CLASP1: variants seen among roughly 807,000 people sequenced by gnomAD.
CLASP1 encodes the protein cytoplasmic linker associated protein 1, also known as CLIP-associating protein 1.
Under a neutral mutation model 192.3 loss-of-function variants are expected in CLASP1, and 38 were observed. That is an observed-to-expected ratio of 0.20 (90% CI 0.15 to 0.26). The LOEUF (loss-of-function observed/expected upper bound fraction) is 0.26, where lower values mean the gene tolerates loss of function less well. Ranked by LOEUF, CLASP1 falls within the 10% of genes least tolerant of loss-of-function variation. The pLI, the probability that CLASP1 is intolerant of heterozygous loss-of-function variation, is 1.00. For synonymous variants in CLASP1, 691 were observed against 712.8 expected (o/e 0.97, Z 0.49); for missense variants, 1,433 against 1,932.5 (o/e 0.74, Z 4.85).
At chr2:121,404,456 T>A in intron 25 of CLASP1, 22 bp from the exon 27 acceptor site, 1 of 1,588,386 alleles carries the variant, frequency 6.3e-7, no homozygotes, top group Non-Finnish European at 8.6e-7. Flanking sequence ...AAAACAGAAA[T>A]CAATGAATTT....
chr2:121,577,107 G>T (rs2060597129), intron 2 of CLASP1, among the ~76,000 whole-genome samples: 1 of 152,130 alleles, frequency 6.6e-6, no homozygotes, highest in Non-Finnish European at 1.5e-5. Flanking sequence ...CAGGGGACTG[G>T]GGGGCAGCAG....
rs574789749 is a variant in CLASP1, at chr2:121,629,293, G to A, written c.-286+20079C>T. 7.2e-5 allele frequency among the ~76,000 whole-genome samples: 11 copies of A among 152,086 alleles called. No individual in the cohort carries two copies. The East Asian group carries it at 2.1e-3, about 29-fold the overall frequency. On this transcript the variant is annotated intron_variant, in intron 1 of 39. Transcript: ENST00000263710. ...CAGTCCCAGCTACTTGGGAGGCTGA[G>A]GTGGGAGAATGGCATGAATCCGGGA...
chr2:121,606,076 G>C lies in CLASP1; in HGVS notation c.-181C>G. On this transcript the variant is annotated 5_prime_UTR_variant, in exon 2 of 40. The change creates a new upstream start codon in the 5' untranslated region. Coordinates refer to ENST00000263710, the Ensembl canonical transcript of CLASP1. ...TGTGTGTCTGAAGAGCAGCTGGTAG[G>C]ATATTAAAAGTCCAATTTAAATAAC... 1 of 587,864 alleles carries C rather than the reference G, an allele frequency of 1.7e-6. No homozygotes were observed. Among genetic ancestry groups the C allele is most frequent in the Non-Finnish European group, 3.0e-6 (1 of 331,682 alleles). The allele number at this position is 587,864 out of a possible 1,614,324, so 36.4% of individuals were successfully genotyped here.
intron 2 of CLASP1, among the ~76,000 whole-genome samples, chr2:121,594,999 A>T (rs2062959201): frequency 6.6e-6 from 1 of 152,218 alleles, no homozygotes; most frequent in African/African-American, 2.4e-5. Context: ...AACAGGACCA[A>T]AGAACTATTT....
chr2:121,467,154 T>C (rs1559317838), intron 9 of CLASP1, among the ~76,000 whole-genome samples: 2 of 152,204 alleles, frequency 1.3e-5, no homozygotes, highest in African/African-American at 4.8e-5. Context: ...CATGATCTTG[T>C]TCCTTTTTAT....
intron 39 of CLASP1, among the ~76,000 whole-genome samples, chr2:121,342,976 T>C (rs1255678030): frequency 6.6e-6 from 1 of 152,146 alleles, no homozygotes; most frequent in Non-Finnish European, 1.5e-5. Context: ...TTGCCCAGGC[T>C]GGTTTGGAGC....
rs114476706 is a variant in CLASP1, at chr2:121,371,404, A to T, written c.3643-3573T>A. On this transcript the variant is annotated intron_variant, in intron 34 of 39. Transcript: ENST00000263710. ...ACACCACCACATCTAGATAAATTAA[A>T]TTTTTTTTTTTTTTGTAGAGACAGG... Among the ~76,000 whole-genome samples, 956 of 144,234 alleles carry T rather than the reference A, an allele frequency of 6.6e-3. 12 individuals are homozygous for T. The highest frequency in any genetic ancestry group is 0.023 in the African/African-American group (907 of 39,576). 94.6% of individuals were successfully genotyped at this position (144,234 alleles called of 152,430 possible). A position where few individuals can be genotyped will look rare whatever the true frequency, so the allele number is the denominator to read the frequency against.
chr2:121,638,706 T>G (rs984446047), intron 1 of CLASP1, among the ~76,000 whole-genome samples: 8 of 151,878 alleles, frequency 5.3e-5, no homozygotes, highest in African/African-American at 1.4e-4. Context: ...TTGCTCTTTT[T>G]GCCGAGGCTG....
chr2:121,368,605 G>A (rs1305487046), intron 34 of CLASP1, among the ~76,000 whole-genome samples: 2 of 152,164 alleles, frequency 1.3e-5, no homozygotes, highest in Non-Finnish European at 2.9e-5. Context: ...CCCCTTTGTA[G>A]GTGGCAGTGT....
rs972784056 is a variant in CLASP1 at position 121,545,898 on chromosome 2, G to C, written c.196-15573C>G. Among the ~76,000 whole-genome samples the C allele has an allele frequency of 2.0e-5, 3 of 147,258 alleles. No individual in the cohort carries two copies. In the East Asian group the frequency reaches 5.8e-4, roughly 29 times the overall value. ...GTCTCAGAATTGAAATTCTATTATA[G>C]TTTGCTCATTACTTAAAAAAAAAAA... On this transcript the variant is annotated intron_variant, in intron 2 of 39. Transcript: ENST00000263710.
intron 2 of CLASP1, among the ~76,000 whole-genome samples, chr2:121,604,845 T>G (rs1486343957): frequency 2.0e-5 from 3 of 152,132 alleles, no homozygotes; most frequent in Non-Finnish European, 4.4e-5. Context: ...CACAAAAGAT[T>G]CTATGTCTGT....
intron 8 of CLASP1, among the ~76,000 whole-genome samples, chr2:121,479,305 A>T (rs1382762844): frequency 6.6e-6 from 1 of 152,224 alleles, no homozygotes. Context: ...ATGCATGCAA[A>T]AACTTAGAAC....
intron 8 of CLASP1, among the ~76,000 whole-genome samples, chr2:121,483,985 T>C (rs2092799826): frequency 6.6e-6 from 1 of 152,210 alleles, no homozygotes; most frequent in African/African-American, 2.4e-5. Flanking sequence ...CCAGACATTC[T>C]GATGCATGGC....
At chr2:121,427,125 TA>T (rs1639393426) in intron 21 of CLASP1, among the ~76,000 whole-genome samples, 1 of 152,048 alleles carries the variant, frequency 6.6e-6, no homozygotes, top group Non-Finnish European at 1.5e-5. Context: ...ATGATTTAAC[TA>T]AAAATTGAAG....
At chr2:121,608,746 G>A (rs1335596126) in intron 1 of CLASP1, among the ~76,000 whole-genome samples, 4 of 152,074 alleles carry the variant, frequency 2.6e-5, no homozygotes, top group African/African-American at 7.2e-5. Flanking sequence ...TGGTTACAGA[G>A]CAATAGATAA....
chr2:121,611,128 G>T (rs1220098524), intron 1 of CLASP1, among the ~76,000 whole-genome samples: 1 of 142,790 alleles, frequency 7.0e-6, no homozygotes, highest in Non-Finnish European at 1.5e-5. Flanking sequence ...GGAGGAGGAG[G>T]AGTTACAGGA....
chr2:121,478,787 CACACA>C (rs2092109321), intron 8 of CLASP1, among the ~76,000 whole-genome samples: 1 of 87,820 alleles, frequency 1.1e-5, no homozygotes, highest in Non-Finnish European at 2.5e-5. Context: ...ACACACCCCA[CACACA>C]CCACACACCA....
At chr2:121,646,182 G>A (rs554424958) in intron 1 of CLASP1, among the ~76,000 whole-genome samples, 190 of 152,114 alleles carry the variant, frequency 1.2e-3, no homozygotes, top group Non-Finnish European at 2.2e-3. Flanking sequence ...GCACGATTTC[G>A]GCTCACTGTA....
At chr2:121,536,402 A>AG (rs2095080545) in intron 2 of CLASP1, among the ~76,000 whole-genome samples, 1 of 150,178 alleles carries the variant, frequency 6.7e-6, no homozygotes, top group South Asian at 2.1e-4. Context: ...AAAAAAAAAA[A>AG]GATTAAAAAT....
Sources: allele counts gnomAD v4.1 joint callset (sites outside exome capture counted in the v4.1 genomes callset), GRCh38; gene constraint gnomAD v4.1.1; transcripts MANE v1.5; gene names NCBI Gene and HGNC (gene_info 2026-07-23, HGNC 2026-07-21).